TSGA10: variants seen among roughly 807,000 people sequenced by gnomAD.
TSGA10 encodes testis-specific gene 10 protein.
In TSGA10, 43 loss-of-function variants were observed where a neutral mutation model predicts 96.6. The ratio of observed to expected loss-of-function variants is 0.44; its 90% CI spans 0.35 to 0.57. The LOEUF (loss-of-function observed/expected upper bound fraction) is 0.57. TSGA10 is among the 20% of genes least tolerant of loss of function. TSGA10 has a pLI of 0.01. For missense variants in TSGA10, 703 were observed against 834.4 expected, an observed-to-expected ratio of 0.84 and a Z score of 1.94; for synonymous variants, 229 against 269.9, an observed-to-expected ratio of 0.85 and a Z score of 1.48.
At chr2:99,124,240 T>C (rs956578159) in intron 2 of TSGA10, among the ~76,000 whole-genome samples, 11 of 152,236 alleles carry the variant, frequency 7.2e-5, no homozygotes, top group African/African-American at 1.7e-4. Context: ...ATCTTTTTCA[T>C]GTATTTATTG....
chr2:99,113,954 G>A (rs1482382881), intron 4 of TSGA10, among the ~76,000 whole-genome samples: 7 of 152,180 alleles, frequency 4.6e-5, no homozygotes. Flanking sequence ...TTTGTTGTTT[G>A]AAGGCATTAA....
rs966026757 is a variant in TSGA10, at chr2:98,997,489, T to C, written c.*708A>G. ...TAAAATAAAATCGCAATTAAGTTGA[T>C]TGCAGTACTTGAAAGAAAACTTATT... On this transcript the variant is annotated 3_prime_UTR_variant, in exon 21 of 21. Transcript: ENST00000393483. The C allele has an allele frequency of 5.3e-5, 8 of 152,182 alleles. No homozygotes were observed. Among genetic ancestry groups the C allele is most frequent in the South Asian group, 4.1e-4 (2 of 4,826 alleles). The allele number at this position is 152,182 out of a possible 1,614,324, so 9.4% of individuals were successfully genotyped here.
intron 1 of TSGA10, among the ~76,000 whole-genome samples, chr2:99,153,303 G>A (rs569182924): frequency 6.6e-6 from 1 of 152,210 alleles, no homozygotes; most frequent in African/African-American, 2.4e-5. Context: ...AACAATGAAT[G>A]GGAAGTGAGA....
At chr2:99,034,036 T>C (rs1467471067) in intron 17 of TSGA10, among the ~76,000 whole-genome samples, 1 of 152,068 alleles carries the variant, frequency 6.6e-6, no homozygotes. Flanking sequence ...CCCCTGAACT[T>C]GGAAGGAATG....
At chr2:99,058,259 G>A (rs189354705) in intron 16 of TSGA10, among the ~76,000 whole-genome samples, 1 of 152,196 alleles carries the variant, frequency 6.6e-6, no homozygotes, top group East Asian at 1.9e-4. Flanking sequence ...TACTTTAAGT[G>A]GATAAACTAT....
At chr2:99,019,168 A>G (rs1359664046) in intron 18 of TSGA10, among the ~76,000 whole-genome samples, 1 of 152,214 alleles carries the variant, frequency 6.6e-6, no homozygotes, top group Non-Finnish European at 1.5e-5. Context: ...TATCATAGGG[A>G]AGATAAACAT....
intron 2 of TSGA10, among the ~76,000 whole-genome samples, chr2:99,123,274 A>T (rs1030940253): frequency 6.6e-6 from 1 of 152,090 alleles, no homozygotes. Flanking sequence ...TCTTTGTGTC[A>T]AATTTGTGGG....
intron 20 of TSGA10, among the ~76,000 whole-genome samples, chr2:98,999,176 A>G (rs561617515): frequency 2.0e-5 from 3 of 152,296 alleles, no homozygotes; most frequent in Admixed American, 2.0e-4. Context: ...GATTATAGTC[A>G]GGAGCCACTG....
chr2:99,003,316 T>C (rs1213991524), intron 20 of TSGA10, among the ~76,000 whole-genome samples: 1 of 152,174 alleles, frequency 6.6e-6, no homozygotes, highest in Non-Finnish European at 1.5e-5. Flanking sequence ...CTTAGAGATG[T>C]ACAAAGAGAC....
chr2:99,029,686 A>T (rs1306300612), intron 17 of TSGA10, among the ~76,000 whole-genome samples: 1 of 152,202 alleles, frequency 6.6e-6, no homozygotes, highest in African/African-American at 2.4e-5. Flanking sequence ...CATTTGACAA[A>T]ATTCAATATC....
chr2:99,091,282 G>C (rs556781992), intron 10 of TSGA10, among the ~76,000 whole-genome samples: 4 of 152,216 alleles, frequency 2.6e-5, no homozygotes, highest in African/African-American at 9.6e-5. Flanking sequence ...TCTAAATCTT[G>C]AAACAAATCC....
chr2:99,105,288 GAA>G, intron 9 of TSGA10, 69 bp downstream of exon 9: 1 of 1,309,142 alleles, frequency 7.6e-7, no homozygotes. Flanking sequence ...TCTGAATACA[GAA>G]AAAGGAGAAA....
At chr2:99,015,002 A>G (rs1444681159) in intron 20 of TSGA10, among the ~76,000 whole-genome samples, 1 of 152,132 alleles carries the variant, frequency 6.6e-6, no homozygotes. Flanking sequence ...TAATAAAAAA[A>G]TTGCCAATAA....
intron 16 of TSGA10, among the ~76,000 whole-genome samples, chr2:99,038,269 A>G (rs1402757908): frequency 6.6e-6 from 1 of 152,202 alleles, no homozygotes; most frequent in Non-Finnish European, 1.5e-5. Context: ...GTATTCAGGC[A>G]ACAAGTAGCA....
At chr2:99,080,374 CT>C (rs1216864646) in intron 11 of TSGA10, among the ~76,000 whole-genome samples, 5 of 152,184 alleles carry the variant, frequency 3.3e-5, no homozygotes, top group Non-Finnish European at 5.9e-5. Flanking sequence ...ACTTCTGGGT[CT>C]TCTTCCTACT....
intron 10 of TSGA10, among the ~76,000 whole-genome samples, chr2:99,092,970 T>C (rs1168654549): frequency 6.6e-6 from 1 of 152,072 alleles, no homozygotes; most frequent in African/African-American, 2.4e-5. Flanking sequence ...TATAGACCAA[T>C]ATATCTGATG....
intron 10 of TSGA10, chr2:99,102,197 C>A: frequency 6.3e-7 from 1 of 1,598,838 alleles, no homozygotes; most frequent in South Asian, 1.1e-5. Context: ...AGTTAACTTT[C>A]AAACAGGTAT....
chr2:99,121,574 T>G (rs1574536968), intron 2 of TSGA10, among the ~76,000 whole-genome samples: 1 of 105,368 alleles, frequency 9.5e-6, no homozygotes, highest in Non-Finnish European at 2.1e-5. Context: ...TGGGTTCAAG[T>G]GATCCTCCCA....
intron 4 of TSGA10, among the ~76,000 whole-genome samples, chr2:99,116,026 T>G (rs2092236346): frequency 6.6e-6 from 1 of 152,212 alleles, no homozygotes; most frequent in Non-Finnish European, 1.5e-5. Context: ...AACAGTGACT[T>G]CAATAACGTT....
Sources: allele counts gnomAD v4.1 joint callset (sites outside exome capture counted in the v4.1 genomes callset), GRCh38; gene constraint gnomAD v4.1.1; transcripts MANE v1.5; gene names NCBI Gene and HGNC (gene_info 2026-07-23, HGNC 2026-07-21).